Variants in CNTN4 observed in about 807,000 individuals in gnomAD.
CNTN4 encodes the protein contactin-4.
CNTN4 carries 77 observed loss-of-function variants against 122.5 expected under a neutral mutation model. The observed-to-expected ratio is 0.63, with a 90% confidence interval of 0.52 to 0.76. The LOEUF (loss-of-function observed/expected upper bound fraction) is 0.76. Ranked by LOEUF, CNTN4 falls within the 30% of genes least tolerant of loss-of-function variation. The probability of loss-of-function intolerance (pLI) is 0.00; values close to 1 mark genes in which losing one functional copy is unlikely to be tolerated. For missense variants in CNTN4, 1,256 were observed against 1,259.1 expected (o/e 1.00, Z 0.04); for synonymous variants, 512 against 447.0 (o/e 1.15, Z -1.83).
At chr3:3,029,151 A>C (rs973882992) in intron 15 of CNTN4, among the ~76,000 whole-genome samples, 1 of 152,226 alleles carries the variant, frequency 6.6e-6, no homozygotes, top group African/African-American at 2.4e-5. Context: ...AAACAGTGGC[A>C]TCTGGATGAG....
chr3:3,055,666 T>C (rs534272258), intron 24 of CNTN4, among the ~76,000 whole-genome samples: 1 of 152,336 alleles, frequency 6.6e-6, no homozygotes, highest in East Asian at 1.9e-4. Context: ...TAAGTTACTT[T>C]ATTTCTCTGG....
intron 3 of CNTN4, among the ~76,000 whole-genome samples, chr3:2,343,007 G>T (rs1005870628): frequency 6.6e-5 from 10 of 152,326 alleles, no homozygotes; most frequent in African/African-American, 2.2e-4. Flanking sequence ...AGTAGTGATG[G>T]CTGTAAAGCC....
rs928996957 is a variant in CNTN4 at position 2,921,316 on chromosome 3, C to T, written c.1208-4313C>T. 1.1e-4 allele frequency among the ~76,000 whole-genome samples: 16 copies of T among 152,200 alleles called. 1 individual carries two copies. Among genetic ancestry groups the T allele is most frequent in the African/African-American group, 2.9e-4 (12 of 41,458 alleles). On this transcript the variant is annotated intron_variant, in intron 12 of 24. Coordinates refer to ENST00000418658, the MANE Select transcript of CNTN4 (RefSeq NM_175607.3). ...CCTCCCAAAGTGCTGGGATTACAGG[C>T]GTGAGCCAACACACCTGACCTCAGA...
intron 2 of CNTN4, among the ~76,000 whole-genome samples, chr3:2,192,570 G>T (rs1220365917): frequency 6.6e-6 from 1 of 151,994 alleles, no homozygotes; most frequent in Admixed American, 6.6e-5. Flanking sequence ...AATCTACAAA[G>T]AACTCAAACA....
intron 6 of CNTN4, among the ~76,000 whole-genome samples, chr3:2,811,212 C>T (rs2092599538): frequency 6.6e-6 from 1 of 151,464 alleles, no homozygotes; most frequent in African/African-American, 2.4e-5. Flanking sequence ...GAGTTCGAGA[C>T]CAGCCTGGCC....
In CNTN4 at chr3:2,247,684, A is replaced by G. The variant is rs190766441; in HGVS notation, c.-144-91494A>G. On this transcript the variant is annotated intron_variant, in intron 2 of 24. Transcript: ENST00000418658. ...GGCAAATGATTATAAGTTGACTTAT[A>G]CATATTATTTGAGCGACAGCAGTTA... 1.8e-3 allele frequency among the ~76,000 whole-genome samples: 270 copies of G among 152,116 alleles called. 3 individuals carry two copies. The highest frequency in any genetic ancestry group is 5.5e-3 in the African/African-American group (229 of 41,534).
intron 13 of CNTN4, among the ~76,000 whole-genome samples, chr3:2,979,345 G>A (rs1693739448): frequency 6.6e-6 from 1 of 152,144 alleles, no homozygotes; most frequent in African/African-American, 2.4e-5. Flanking sequence ...GGCTATGTAG[G>A]AAGTGGGGAA....
At chr3:2,880,095 C>T (rs752634320) in intron 8 of CNTN4, among the ~76,000 whole-genome samples, 8 of 152,188 alleles carry the variant, frequency 5.3e-5, no homozygotes, top group South Asian at 2.1e-4. Context: ...TGCATCTCTG[C>T]GTTGCCAGTG....
chr3:2,570,969 A>G (rs1293654860), intron 3 of CNTN4, among the ~76,000 whole-genome samples: 1 of 152,172 alleles, frequency 6.6e-6, no homozygotes, highest in Non-Finnish European at 1.5e-5. Flanking sequence ...ATTTTCCCAC[A>G]CGATATAACT....
intron 4 of CNTN4, among the ~76,000 whole-genome samples, chr3:2,696,182 TA>T (rs930836252): frequency 3.3e-5 from 5 of 152,248 alleles, no homozygotes; most frequent in African/African-American, 9.6e-5. Flanking sequence ...CAAGAGATCA[TA>T]AATAATCATC....
In CNTN4 at chr3:2,698,670, T is replaced by G. The variant is rs192997927; in HGVS notation, c.56-37545T>G. On this transcript the variant is annotated intron_variant, in intron 4 of 24. Coordinates refer to ENST00000418658, the MANE Select transcript of CNTN4 (RefSeq NM_175607.3). ...ACTTAGCTCCTGGCCTCATATCTAT[T>G]TCATCATGCTATTTAGGCATTCTTT... Among the ~76,000 whole-genome samples, 50 of 152,336 alleles carry G rather than the reference T, an allele frequency of 3.3e-4. No individual in the cohort carries two copies. The East Asian group carries it at 7.5e-3, about 23-fold the overall frequency.
At chr3:2,520,715 T>G (rs1320049881) in intron 3 of CNTN4, among the ~76,000 whole-genome samples, 2 of 145,572 alleles carry the variant, frequency 1.4e-5, no homozygotes, top group Non-Finnish European at 3.1e-5. Flanking sequence ...TTCCATTTAA[T>G]TTTCCACTAG....
At chr3:2,193,941 C>T (rs1247938625) in intron 2 of CNTN4, among the ~76,000 whole-genome samples, 1 of 152,094 alleles carries the variant, frequency 6.6e-6, no homozygotes, top group Non-Finnish European at 1.5e-5. Flanking sequence ...TGTAAATACA[C>T]TCTATAATAT....
intron 3 of CNTN4, among the ~76,000 whole-genome samples, chr3:2,349,993 G>C (rs531866834): frequency 6.6e-6 from 1 of 152,264 alleles, no homozygotes; most frequent in African/African-American, 2.4e-5. Context: ...AACAGACTTA[G>C]AGCAATCCAC....
At chr3:2,283,130 G>A (rs1429720737) in intron 2 of CNTN4, among the ~76,000 whole-genome samples, 1 of 152,002 alleles carries the variant, frequency 6.6e-6, no homozygotes, top group Non-Finnish European at 1.5e-5. Flanking sequence ...AGGTTAAATG[G>A]TAAATGTTAC....
intron 2 of CNTN4, among the ~76,000 whole-genome samples, chr3:2,326,663 C>G (rs2043477858): frequency 6.6e-6 from 1 of 152,194 alleles, no homozygotes; most frequent in Non-Finnish European, 1.5e-5. Context: ...CTTCTGGTCA[C>G]TGGATGCCTT....
chr3:2,366,524 G>A (rs372693833), intron 3 of CNTN4, among the ~76,000 whole-genome samples: 13 of 152,110 alleles, frequency 8.5e-5, no homozygotes, highest in African/African-American at 3.1e-4. Context: ...TCAGGAGATC[G>A]AGACCATCCT....
chr3:3,053,202 T>G (rs1380528929), intron 23 of CNTN4, among the ~76,000 whole-genome samples: 1 of 152,110 alleles, frequency 6.6e-6, no homozygotes, highest in Non-Finnish European at 1.5e-5. Flanking sequence ...GTCTGGCTAA[T>G]TTTTGTATTT....
chr3:2,178,085 T>C (rs1015064787), intron 2 of CNTN4, among the ~76,000 whole-genome samples: 9 of 152,120 alleles, frequency 5.9e-5, no homozygotes, highest in Non-Finnish European at 1.0e-4. Flanking sequence ...CTAGGACCTG[T>C]GAAATTCTGT....
Sources: gnomAD v4.1 joint callset for allele counts (sites outside exome capture counted in the v4.1 genomes callset) on GRCh38, gnomAD v4.1.1 for gene constraint, MANE v1.5 for transcripts, NCBI Gene and HGNC (gene_info 2026-07-23, HGNC 2026-07-21) for gene names.